Variants in ITGAE observed in about 807,000 individuals in gnomAD.
The protein encoded by ITGAE is integrin alpha-E.
Under a neutral mutation model 136.5 loss-of-function variants are expected in ITGAE, and 99 were observed. The observed-to-expected ratio is 0.73, with a 90% CI of 0.62 to 0.86. ITGAE has a LOEUF of 0.86. Among genes scored for constraint, ITGAE ranks in the 40% least tolerant of loss-of-function variants. The probability of loss-of-function intolerance (pLI) is 0.00; values close to 1 mark genes in which losing one functional copy is unlikely to be tolerated. For missense variants in ITGAE, 1,447 were observed against 1,515.3 expected, an observed-to-expected ratio of 0.95 and a Z score of 0.75; for synonymous variants, 613 against 591.8, an observed-to-expected ratio of 1.04 and a Z score of -0.52.
intron 24 of ITGAE, among the ~76,000 whole-genome samples, chr17:3,728,720 C>T (rs2051273994): frequency 6.6e-6 from 1 of 150,994 alleles, no homozygotes. Context: ...TACATTAGGA[C>T]AGAGGGCACC....
At chr17:3,764,001 TTCC>T in intron 2 of ITGAE, 41 bp from the exon 3 acceptor site, 1 of 1,389,376 alleles carries the variant, frequency 7.2e-7, no homozygotes, top group Non-Finnish European at 1.0e-6. Flanking sequence ...CTGGCTGATG[TTCC>T]TCGTCTTCTC....
chr17:3,748,005 C>A lies in ITGAE; in HGVS notation c.2072G>T (p.Ser691Ile). 1 of 1,613,444 alleles carries A rather than the reference C, an allele frequency of 6.2e-7. No individual in the cohort carries two copies. Among genetic ancestry groups the A allele is most frequent in the Admixed American group, 1.7e-5 (1 of 59,982 alleles). ...GCCGTTGAAGCCGATGGGCAGTGCGCTGGGGGTGAAGGCCATGGAGACCTT... is the reference window on the plus strand; with the variant it reads ...GCCGTTGAAGCCGATGGGCAGTGCGATGGGGGTGAAGGCCATGGAGACCTT... ...RLKVSMAFTP[S>I]ALPIGFNGVV... The change falls in exon 17 of 31, where the codon AGC (serine) becomes ATC (isoleucine). Residue 691 changes from serine to isoleucine, a missense_variant. Physicochemically the swap from Ser to Ile is moderately radical, Grantham distance 142 (BLOSUM62 -2). Coordinates refer to ENST00000263087, the MANE Select transcript of ITGAE (RefSeq NM_002208.5).
chr17:3,716,864 T>C, intron 29 of ITGAE, 66 bp from the exon 30 acceptor site: 3 of 898,196 alleles, frequency 3.3e-6, no homozygotes, highest in South Asian at 2.8e-5. Context: ...TCCTACATGT[T>C]ATTTTAAGGA....
rs566402789 is a variant in ITGAE, at chr17:3,739,664, T to C, written c.2522+141A>G. The C allele has an allele frequency of 1.5e-4, 104 of 697,874 alleles. No homozygotes were observed. In the African/African-American group the frequency reaches 1.6e-3, roughly 11 times the overall value. The allele number at this position is 697,874 out of a possible 1,614,324, so 43.2% of individuals were successfully genotyped here. On this transcript the variant is annotated intron_variant, in intron 20 of 30. Coordinates refer to ENST00000263087, the MANE Select transcript of ITGAE (RefSeq NM_002208.5). ...CCCTTCTGGGGTAGCTGAGGACATA[T>C]TGAGATAATAAGTGCAGAAGCCATT... is the stretch of plus-strand genomic sequence containing the variant.
chr17:3,781,842 A>G (rs896614455), intron 1 of ITGAE, among the ~76,000 whole-genome samples: 1 of 152,018 alleles, frequency 6.6e-6, no homozygotes, highest in African/African-American at 2.4e-5. Context: ...TCACATGCAC[A>G]TTTGGGCCTC....
chr17:3,801,042 TAGTCTGCAGAC>T, intron 1 of ITGAE, 58 bp downstream of exon 1: 2 of 1,540,990 alleles, frequency 1.3e-6, no homozygotes, highest in African/African-American at 1.4e-5. Context: ...GTCAAGGCTG[TAGTCTGCAGAC>T]ACCTGGCTGG....
In ITGAE at chr17:3,751,881, A is replaced by T. The variant is rs2051879874; in HGVS notation, c.1669-7T>A. On this transcript the variant is annotated splice_polypyrimidine_tract_variant and splice_region_variant and intron_variant, in intron 14 of 30. Coordinates refer to ENST00000263087, the MANE Select transcript of ITGAE (RefSeq NM_002208.5). ...CCAAGGAGAAAGAACCATCCTGTAA[A>T]GCAAACAAACAGCTCAGCCCTCAAG... 1 of 1,612,236 alleles carries T rather than the reference A, an allele frequency of 6.2e-7. No individual in the cohort carries two copies. Among genetic ancestry groups the T allele is most frequent in the Admixed American group, 1.7e-5 (1 of 59,962 alleles).
intron 13 of ITGAE, 59 bp downstream of exon 13, chr17:3,753,724 T>A (rs2051928538): frequency 6.3e-7 from 1 of 1,598,288 alleles, no homozygotes. Flanking sequence ...CTCCTTTCCC[T>A]TGGGGGCCTC....
chr17:3,801,018 A>G, intron 1 of ITGAE, 93 bp downstream of exon 1: 1 of 1,436,010 alleles, frequency 7.0e-7, no homozygotes, highest in African/African-American at 1.4e-5. Context: ...ACTGAGCCCC[A>G]TCAGAGACAG....
chr17:3,794,499 G>A (rs2053016155), intron 1 of ITGAE, among the ~76,000 whole-genome samples: 1 of 152,134 alleles, frequency 6.6e-6, no homozygotes, highest in African/African-American at 2.4e-5. Flanking sequence ...TGCCTCGATC[G>A]CCACATTATC....
At chr17:3,782,927 A>G (rs530204471) in intron 1 of ITGAE, among the ~76,000 whole-genome samples, 2 of 152,304 alleles carry the variant, frequency 1.3e-5, no homozygotes, top group Admixed American at 6.5e-5. Flanking sequence ...TAGTCCAACA[A>G]TATCATATGG....
chr17:3,751,016 G>A (rs2051851323), intron 15 of ITGAE, among the ~76,000 whole-genome samples: 1 of 151,960 alleles, frequency 6.6e-6, no homozygotes, highest in Non-Finnish European at 1.5e-5. Context: ...AGAATCATGA[G>A]GACGTGGGAA....
intron 3 of ITGAE, 95 bp downstream of exon 3, chr17:3,763,774 C>T (rs754347621): frequency 1.0e-6 from 1 of 971,352 alleles, no homozygotes; most frequent in Non-Finnish European, 1.7e-6. Context: ...CTGGATGAGG[C>T]AGGGCTGGGG....
chr17:3,759,694 T>C, intron 7 of ITGAE, 141 bp from the exon 8 acceptor site: 1 of 975,356 alleles, frequency 1.0e-6, no homozygotes, highest in Non-Finnish European at 1.5e-6. Context: ...CAGAGCAAAA[T>C]CTCTAAGCGA....
At chr17:3,761,239 T>C (rs759109618) in intron 5 of ITGAE, 62 bp from the exon 6 acceptor site, 69 of 1,580,542 alleles carry the variant, frequency 4.4e-5, no homozygotes, top group Non-Finnish European at 5.8e-5. Context: ...CTGAGCACGC[T>C]CACACATGGT....
chr17:3,724,296 C>T (rs2051151465), intron 26 of ITGAE: 6 of 1,586,532 alleles, frequency 3.8e-6, no homozygotes, highest in Non-Finnish European at 2.6e-6. Flanking sequence ...GCTGCGAGCT[C>T]GGCCCCCGCA....
chr17:3,751,316 G>A (rs1446149489), intron 15 of ITGAE, among the ~76,000 whole-genome samples: 1 of 151,938 alleles, frequency 6.6e-6, no homozygotes, highest in African/African-American at 2.4e-5. Flanking sequence ...AGGAGCGAGG[G>A]ACAGAAAGAG....
chr17:3,796,118 TCC>T (rs2053087770), intron 1 of ITGAE, among the ~76,000 whole-genome samples: 1 of 39,500 alleles, frequency 2.5e-5, no homozygotes, highest in Non-Finnish European at 4.9e-5. Flanking sequence ...CCTGTGTGCA[TCC>T]CTGTGTGTGC....
chr17:3,777,084 C>T (rs1048113097), intron 2 of ITGAE, among the ~76,000 whole-genome samples: 3 of 152,042 alleles, frequency 2.0e-5, no homozygotes, highest in Non-Finnish European at 4.4e-5. Flanking sequence ...CCTCAGCCTC[C>T]TGAGTAGCTG....
Sources: gnomAD v4.1 joint callset for allele counts (sites outside exome capture counted in the v4.1 genomes callset) on GRCh38, gnomAD v4.1.1 for gene constraint, MANE v1.5 for transcripts, NCBI Gene and HGNC (gene_info 2026-07-23, HGNC 2026-07-21) for gene names.